CLINT1: variants seen among roughly 807,000 people sequenced by gnomAD.
The protein encoded by CLINT1 is clathrin interactor 1.
Under a neutral mutation model 70.4 loss-of-function variants are expected in CLINT1, and 15 were observed. The observed-to-expected ratio is 0.21, with a 90% CI of 0.14 to 0.33. The LOEUF is 0.33. CLINT1 is among the 10% of genes least tolerant of loss of function. CLINT1 has a pLI of 1.00. For missense variants in CLINT1, 615 were observed against 778.1 expected (o/e 0.79, Z 2.49); for synonymous variants, 227 against 254.7 (o/e 0.89, Z 1.04).
chr5:157,816,605 C>T (rs891674723), intron 3 of CLINT1, 129 bp downstream of exon 3: 3 of 589,120 alleles, frequency 5.1e-6, no homozygotes, highest in Non-Finnish European at 8.8e-6. Flanking sequence ...AAATCTACTT[C>T]TTTCATGTGC....
chr5:157,788,739 G>T (rs549490571), intron 11 of CLINT1, among the ~76,000 whole-genome samples: 1 of 152,220 alleles, frequency 6.6e-6, no homozygotes, highest in African/African-American at 2.4e-5. Context: ...AGGCCAAGGC[G>T]AGTGGATCAC....
At chr5:157,793,316 G>A (rs1761973453) in intron 9 of CLINT1, among the ~76,000 whole-genome samples, 1 of 151,666 alleles carries the variant, frequency 6.6e-6, no homozygotes, top group Non-Finnish European at 1.5e-5. Flanking sequence ...CTTTTATGCT[G>A]ATTTTCTATT....
intron 8 of CLINT1, chr5:157,795,391 A>AT (rs571198812): frequency 2.8e-4 from 43 of 154,754 alleles, no homozygotes; most frequent in East Asian, 9.5e-4. Context: ...TGGACCCCGG[A>AT]TTTTTTTTTT....
At chr5:157,800,773 G>A (rs1762187625) in intron 8 of CLINT1, among the ~76,000 whole-genome samples, 2 of 152,084 alleles carry the variant, frequency 1.3e-5, no homozygotes, top group Non-Finnish European at 2.9e-5. Context: ...GTTTGCACTG[G>A]AGAAGACAAA....
At chr5:157,832,768 T>G (rs559198110) in intron 1 of CLINT1, among the ~76,000 whole-genome samples, 5 of 152,300 alleles carry the variant, frequency 3.3e-5, no homozygotes, top group African/African-American at 9.6e-5. Flanking sequence ...TTCTCTCCCT[T>G]CCTCCCACTG....
intron 11 of CLINT1, 39 bp downstream of exon 11, chr5:157,789,324 C>A: frequency 6.4e-7 from 1 of 1,565,164 alleles, no homozygotes; most frequent in Middle Eastern, 1.7e-4. Flanking sequence ...CAAAAGACTG[C>A]AAGTACACAA....
chr5:157,809,088 T>C (rs1358194050), intron 6 of CLINT1: 2 of 152,130 alleles, frequency 1.3e-5, no homozygotes, highest in African/African-American at 4.8e-5. Flanking sequence ...ATCTTAAAAA[T>C]AGTTGCACAG....
At chr5:157,794,754 A>T (rs1762017712) in intron 9 of CLINT1, 144 bp downstream of exon 9, 2 of 670,710 alleles carry the variant, frequency 3.0e-6, no homozygotes, top group Non-Finnish European at 5.2e-6. Flanking sequence ...TGCCCAATAA[A>T]ATACCTTGTG....
chr5:157,837,418 ACACACACAC>A (rs1561667856), intron 1 of CLINT1, among the ~76,000 whole-genome samples: 6 of 149,080 alleles, frequency 4.0e-5, no homozygotes, highest in African/African-American at 1.3e-4. Context: ...AAATACACAC[ACACACACAC>A]ACACACACAC....
intron 1 of CLINT1, among the ~76,000 whole-genome samples, chr5:157,840,645 A>T (rs1753142150): frequency 6.6e-6 from 1 of 151,794 alleles, no homozygotes; most frequent in East Asian, 1.9e-4. Flanking sequence ...ACAAGCAAAG[A>T]TGGCAAAATC....
chr5:157,799,533 AG>A (rs1422397271), intron 8 of CLINT1, among the ~76,000 whole-genome samples: 1 of 152,128 alleles, frequency 6.6e-6, no homozygotes, highest in Non-Finnish European at 1.5e-5. Flanking sequence ...TTATTGTACT[AG>A]AAATATCTAG....
Position 157,809,627 on chromosome 5 carries a change from C to A in CLINT1, c.695+1G>T, listed in dbSNP as rs775716887. 2 of 1,596,068 alleles carry A rather than the reference C, an allele frequency of 1.3e-6. No individual in the cohort carries two copies. The highest frequency in any genetic ancestry group is 1.1e-5 in the South Asian group (1 of 87,852). ...ACCCGGGAGACAAAGTGGTAAAATA[C>A]CTGCATCTTTCTGGAGAGTCTTCTC... On this transcript the variant is annotated splice_donor_variant, in intron 6 of 11. Transcript: ENST00000411809. LOFTEE classifies it high-confidence loss of function.
intron 1 of CLINT1, among the ~76,000 whole-genome samples, chr5:157,854,475 C>T (rs1753681256): frequency 6.6e-6 from 1 of 152,102 alleles, no homozygotes; most frequent in African/African-American, 2.4e-5. Flanking sequence ...GTCCCAGCTG[C>T]AGTGTGCATG....
intron 1 of CLINT1, among the ~76,000 whole-genome samples, chr5:157,818,168 C>G (rs896061103): frequency 6.6e-6 from 1 of 152,058 alleles, no homozygotes; most frequent in Non-Finnish European, 1.5e-5. Flanking sequence ...GGAGATTGTA[C>G]GATGGACACT....
intron 4 of CLINT1, among the ~76,000 whole-genome samples, chr5:157,813,892 T>C (rs1762633878): frequency 2.0e-5 from 3 of 152,222 alleles, no homozygotes; most frequent in African/African-American, 7.2e-5. Context: ...TCTTCCCATA[T>C]GATTAAAGCT....
At position 157,787,893 on chromosome 5, in the gene CLINT1, AAAGCATTAGTTTGGGGCCGGACAGG is replaced by A; in HGVS notation, c.1606_1630del (p.Pro536Ter). ...GCTCATAGGCATGGGTCCCCCTATC[AAAGCATTAGTTTGGGGCCGGACAGG>A]AAGCATGTTCGATGGAGAACTGAGG... On this transcript the variant is annotated frameshift_variant, in exon 12 of 12. Transcript: ENST00000411809. LOFTEE classifies it high-confidence loss of function. The A allele has an allele frequency of 6.2e-7, 1 of 1,613,824 alleles. No homozygotes were observed.
rs149256508 is a variant in CLINT1 at position 157,828,592 on chromosome 5, T to C, written c.42-11045A>G. On this transcript the variant is annotated intron_variant, in intron 1 of 11. Transcript: ENST00000411809. The stretch of plus-strand genomic sequence containing the variant: ...ACTAGAGTGGGTTGAAGGGGGAGCA[T>C]CTGTTTAAAAATTTAAAAATATTTT... Among the ~76,000 whole-genome samples the C allele has an allele frequency of 6.5e-3, 989 of 152,282 alleles. 7 individuals carry two copies. The highest frequency in any genetic ancestry group is 9.4e-3 in the Non-Finnish European group (639 of 68,008).
At position 157,815,551 on chromosome 5, in the gene CLINT1, T is replaced by C. The variant is rs563423178; in HGVS notation, c.243+1183A>G. Among the ~76,000 whole-genome samples the C allele has an allele frequency of 1.1e-4, 17 of 151,862 alleles. 1 individual carries two copies. The East Asian group carries it at 3.3e-3, about 29-fold the overall frequency. On this transcript the variant is annotated intron_variant, in intron 3 of 11. Transcript: ENST00000411809. Reference sequence around the variant, plus strand: ...ATCTAGTTAGGCGGAAAGGAGGGGGTGGCAAAAACAAAAAAAATTTAGTTA... The same window carrying C: ...ATCTAGTTAGGCGGAAAGGAGGGGGCGGCAAAAACAAAAAAAATTTAGTTA...
intron 4 of CLINT1, 92 bp downstream of exon 4, chr5:157,814,093 T>C (rs1762640721): frequency 6.3e-6 from 5 of 792,520 alleles, no homozygotes; most frequent in South Asian, 4.6e-5. Context: ...AGTCACATTC[T>C]AATTAGAGCA....
Sources: allele counts gnomAD v4.1 joint callset (sites outside exome capture counted in the v4.1 genomes callset), GRCh38; gene constraint gnomAD v4.1.1; transcripts MANE v1.5; gene names NCBI Gene and HGNC (gene_info 2026-07-23, HGNC 2026-07-21).